The following ZMAT4 variants were observed in gnomAD, a reference collection of about 807,000 sequenced individuals.
The protein encoded by ZMAT4 is zinc finger matrin-type 4.
Under a neutral mutation model 28.7 loss-of-function variants are expected in ZMAT4, and 17 were observed. The observed-to-expected ratio is 0.59, with a 90% CI of 0.41 to 0.89. The LOEUF is 0.89. Among genes scored for constraint, ZMAT4 ranks in the 40% least tolerant of loss-of-function variants. The pLI is 0.00. For missense variants in ZMAT4, 240 were observed against 283.8 expected, an observed-to-expected ratio of 0.85 and a Z score of 1.11; for synonymous variants, 117 against 109.2, an observed-to-expected ratio of 1.07 and a Z score of -0.44.
intron 5 of ZMAT4, among the ~76,000 whole-genome samples, chr8:40,642,384 A>T (rs113662917): frequency 3.9e-5 from 6 of 152,328 alleles, no homozygotes; most frequent in African/African-American, 1.4e-4. Flanking sequence ...TTAAACATTT[A>T]GTCTTCCTAA....
chr8:40,750,358 T>C lies in ZMAT4; in HGVS notation c.192+17283A>G, dbSNP rs943670626. On this transcript the variant is annotated intron_variant, in intron 3 of 6. Transcript: ENST00000297737. ...AGGTTACTAAAGAGAAGCAGAATGGTCACAGGGGGTCACCTAATAGGAAGA... is the reference window on the plus strand; with the variant it reads ...AGGTTACTAAAGAGAAGCAGAATGGCCACAGGGGGTCACCTAATAGGAAGA... Among the ~76,000 whole-genome samples the C allele has an allele frequency of 2.0e-5, 3 of 152,078 alleles. No individual in the cohort carries two copies. The East Asian group carries it at 5.8e-4, about 29-fold the overall frequency.
intron 6 of ZMAT4, among the ~76,000 whole-genome samples, chr8:40,560,488 C>T (rs920862166): frequency 2.6e-5 from 4 of 151,650 alleles, no homozygotes; most frequent in Non-Finnish European, 4.4e-5. Flanking sequence ...ATGCTTTAGC[C>T]TCCTGGGTAC....
chr8:40,783,699 G>GA (rs1347096762), intron 2 of ZMAT4, among the ~76,000 whole-genome samples: 3 of 151,996 alleles, frequency 2.0e-5, no homozygotes, highest in Admixed American at 6.6e-5. Context: ...AAAAGAACTT[G>GA]AAAAAAATCT....
intron 3 of ZMAT4, among the ~76,000 whole-genome samples, chr8:40,744,425 A>G (rs1461688316): frequency 6.6e-6 from 1 of 152,146 alleles, no homozygotes; most frequent in Admixed American, 6.5e-5. Flanking sequence ...TTTCTAGAAA[A>G]TATTAGGAAC....
At chr8:40,618,223 T>C (rs1806080950) in intron 5 of ZMAT4, among the ~76,000 whole-genome samples, 1 of 152,194 alleles carries the variant, frequency 6.6e-6, no homozygotes, top group African/African-American at 2.4e-5. Flanking sequence ...AGTCCACTTA[T>C]AACAACGAGA....
At chr8:40,665,445 C>G (rs1447801428) in intron 5 of ZMAT4, among the ~76,000 whole-genome samples, 1 of 152,172 alleles carries the variant, frequency 6.6e-6, no homozygotes, top group Non-Finnish European at 1.5e-5. Flanking sequence ...GCCTCTCCAG[C>G]AGTATGTCTT....
intron 5 of ZMAT4, among the ~76,000 whole-genome samples, chr8:40,595,168 TC>T (rs1444794068): frequency 6.6e-6 from 1 of 152,204 alleles, no homozygotes. Context: ...GCTTTTCCTT[TC>T]TATCAACAAC....
chr8:40,893,842 G>A (rs1369865776), intron 1 of ZMAT4, among the ~76,000 whole-genome samples: 1 of 152,080 alleles, frequency 6.6e-6, no homozygotes, highest in East Asian at 1.9e-4. Flanking sequence ...CCTCAGGTAG[G>A]CCCCTATTGT....
chr8:40,711,471 C>T (rs1585920265), intron 3 of ZMAT4, among the ~76,000 whole-genome samples: 1 of 152,096 alleles, frequency 6.6e-6, no homozygotes, highest in South Asian at 2.1e-4. Context: ...ACCCCAAATC[C>T]AATCAAGTCT....
intron 2 of ZMAT4, among the ~76,000 whole-genome samples, chr8:40,773,749 A>T (rs1813481405): frequency 6.6e-6 from 1 of 152,172 alleles, no homozygotes; most frequent in Non-Finnish European, 1.5e-5. Context: ...TCATAGCTTT[A>T]TCTTGAAGGT....
chr8:40,768,012 C>G (rs932040224), intron 2 of ZMAT4, among the ~76,000 whole-genome samples: 100 of 151,990 alleles, frequency 6.6e-4, no homozygotes, highest in African/African-American at 2.3e-3. Context: ...TTTAATTTTC[C>G]TCAAAAATAA....
intron 5 of ZMAT4, among the ~76,000 whole-genome samples, chr8:40,595,266 A>G (rs754534200): frequency 6.6e-6 from 1 of 152,086 alleles, no homozygotes; most frequent in African/African-American, 2.4e-5. Flanking sequence ...TACCTTTCCA[A>G]CTGTTCAGAC....
At chr8:40,618,508 TGTATTGACAGAAAATCAGGTA>T (rs1313589580) in intron 5 of ZMAT4, among the ~76,000 whole-genome samples, 1 of 152,210 alleles carries the variant, frequency 6.6e-6, no homozygotes, top group Non-Finnish European at 1.5e-5. Context: ...GGACGCAGTT[TGTATTGACAGAAAATCAGGTA>T]GTATTTAGTA....
intron 3 of ZMAT4, among the ~76,000 whole-genome samples, chr8:40,718,938 G>A (rs764913916): frequency 2.6e-4 from 40 of 152,058 alleles, no homozygotes; most frequent in Non-Finnish European, 5.1e-4. Context: ...TTCCCCTGTG[G>A]CACTGACCTG....
chr8:40,664,078 G>A (rs1808305661), intron 5 of ZMAT4, among the ~76,000 whole-genome samples: 1 of 152,130 alleles, frequency 6.6e-6, no homozygotes, highest in Non-Finnish European at 1.5e-5. Flanking sequence ...GAGGGAGACC[G>A]ATCCTCCAGG....
chr8:40,887,192 C>T (rs1262569960), intron 1 of ZMAT4, among the ~76,000 whole-genome samples: 1 of 143,024 alleles, frequency 7.0e-6, no homozygotes, highest in Non-Finnish European at 1.5e-5. Flanking sequence ...AAAAAAAAGC[C>T]GGTTTTGGCC....
intron 3 of ZMAT4, among the ~76,000 whole-genome samples, chr8:40,703,662 T>C (rs1035425757): frequency 1.3e-5 from 2 of 152,080 alleles, no homozygotes; most frequent in Non-Finnish European, 2.9e-5. Flanking sequence ...TTACTGTAGA[T>C]CTGGCAGTCA....
chr8:40,799,244 T>C (rs1215904328), intron 2 of ZMAT4, among the ~76,000 whole-genome samples: 1 of 151,970 alleles, frequency 6.6e-6, no homozygotes, highest in Admixed American at 6.5e-5. Context: ...GATGGATGGA[T>C]GGAGACAGAT....
chr8:40,605,909 T>A (rs1805563403), intron 5 of ZMAT4, among the ~76,000 whole-genome samples: 1 of 152,252 alleles, frequency 6.6e-6, no homozygotes, highest in Non-Finnish European at 1.5e-5. Context: ...GGACTAGTAC[T>A]TTTATCATTA....
Sources: gnomAD v4.1 joint callset for allele counts (sites outside exome capture counted in the v4.1 genomes callset) on GRCh38, gnomAD v4.1.1 for gene constraint, MANE v1.5 for transcripts, NCBI Gene and HGNC (gene_info 2026-07-23, HGNC 2026-07-21) for gene names.